Variants in EYS observed in about 807,000 individuals in gnomAD.
The protein encoded by EYS is EGF-like photoreceptor maintenance factor.
A neutral mutation model predicts 282.1 loss-of-function variants in EYS; 250 were observed. The observed-to-expected ratio is 0.89, with a 90% CI of 0.80 to 0.98. The LOEUF (loss-of-function observed/expected upper bound fraction) is 0.98. Ranked by LOEUF, EYS falls within the 50% of genes least tolerant of loss-of-function variation. The pLI is 0.00. For missense variants in EYS, 4,016 were observed against 3,709.0 expected (o/e 1.08, Z -2.15); for synonymous variants, 1,355 against 1,282.9 (o/e 1.06, Z -1.20).
chr6:65,052,663 G>A (rs1773306342), intron 13 of EYS, among the ~76,000 whole-genome samples: 1 of 151,488 alleles, frequency 6.6e-6, no homozygotes, highest in African/African-American at 2.4e-5. Context: ...AATTATATCA[G>A]GGAAAGTGAA....
intron 18 of EYS, among the ~76,000 whole-genome samples, chr6:64,893,962 C>A (rs1387218467): frequency 6.6e-6 from 1 of 151,982 alleles, no homozygotes; most frequent in East Asian, 1.9e-4. Flanking sequence ...CTCCATTCCT[C>A]TCTACCAGGA....
chr6:64,676,921 A>G (rs1199802793), intron 22 of EYS, among the ~76,000 whole-genome samples: 3 of 152,134 alleles, frequency 2.0e-5, no homozygotes, highest in Admixed American at 6.5e-5. Context: ...GGATTTCAAC[A>G]TATGAATCAA....
chr6:65,058,729 T>C (rs949461526), intron 12 of EYS, among the ~76,000 whole-genome samples: 1 of 150,942 alleles, frequency 6.6e-6, no homozygotes, highest in Admixed American at 6.7e-5. Flanking sequence ...TTGCTAAAGC[T>C]GACCTTTCTT....
At chr6:64,314,448 C>T (rs752260655) in intron 29 of EYS, among the ~76,000 whole-genome samples, 41 of 152,142 alleles carry the variant, frequency 2.7e-4, no homozygotes, top group South Asian at 4.2e-4. Context: ...GACTTTAACA[C>T]GCCACTGTCA....
intron 41 of EYS, among the ~76,000 whole-genome samples, chr6:63,746,249 C>T (rs1769207870): frequency 6.6e-6 from 1 of 152,148 alleles, no homozygotes; most frequent in Non-Finnish European, 1.5e-5. Flanking sequence ...ATATGTTGAA[C>T]CAACCTTGTA....
chr6:65,073,486 T>C (rs980241828), intron 12 of EYS, among the ~76,000 whole-genome samples: 1 of 151,818 alleles, frequency 6.6e-6, no homozygotes, highest in Non-Finnish European at 1.5e-5. Context: ...GTGTGCACTG[T>C]ACATCTATCT....
intron 26 of EYS, among the ~76,000 whole-genome samples, chr6:64,453,201 T>C (rs1256200333): frequency 6.6e-6 from 1 of 152,024 alleles, no homozygotes; most frequent in Non-Finnish European, 1.5e-5. Context: ...ACGAAGGATA[T>C]GAACAGACAC....
intron 13 of EYS, among the ~76,000 whole-genome samples, chr6:65,042,509 T>C (rs954453750): frequency 4.6e-5 from 7 of 151,676 alleles, no homozygotes; most frequent in Non-Finnish European, 1.5e-5. Flanking sequence ...TTTTAAATTT[T>C]TTTTTACTTG....
At chr6:65,350,621 C>A (rs1342184146) in intron 9 of EYS, among the ~76,000 whole-genome samples, 2 of 151,538 alleles carry the variant, frequency 1.3e-5, no homozygotes, top group Non-Finnish European at 3.0e-5. Flanking sequence ...TTTATCTTTT[C>A]TTAAGCATGA....
chr6:64,745,227 T>C (rs1357298893), intron 22 of EYS, among the ~76,000 whole-genome samples: 5 of 152,172 alleles, frequency 3.3e-5, no homozygotes, highest in Admixed American at 6.5e-5. Flanking sequence ...TTCTGAGATA[T>C]GTATAATAAA....
Position 64,145,514 on chromosome 6 carries a change from TTTC to T in EYS, c.6425-63515_6425-63513del, listed in dbSNP as rs200397601. On this transcript the variant is annotated intron_variant, in intron 31 of 42. Coordinates refer to ENST00000503581, the MANE Select transcript of EYS (RefSeq NM_001142800.2). ...TTAAAATCCTTTATTTGTCAAATTCTTTCTTTAGTTTCACACCCATATATGAAA... is the reference window on the plus strand; with the variant it reads ...TTAAAATCCTTTATTTGTCAAATTCTTTTAGTTTCACACCCATATATGAAA... 9.2e-5 allele frequency among the ~76,000 whole-genome samples: 14 copies of T among 152,332 alleles called. No homozygotes were observed. In the East Asian group the frequency reaches 2.7e-3, roughly 29 times the overall value.
Position 65,060,778 on chromosome 6 carries a change from A to ATG in EYS, c.2024-3053_2024-3052dup, listed in dbSNP as rs1359377925. On this transcript the variant is annotated intron_variant, in intron 12 of 42. Coordinates refer to ENST00000503581, the MANE Select transcript of EYS (RefSeq NM_001142800.2). ...TATGTGTATATACATGTGTATATATATGTGTATATATATATATATATATAC... is the reference window on the plus strand; with the variant it reads ...TATGTGTATATACATGTGTATATATATGTGTGTATATATATATATATATATAC... Among the ~76,000 whole-genome samples, 292 of 118,154 alleles carry ATG rather than the reference A, an allele frequency of 2.5e-3. 1 individual carries two copies. The highest frequency in any genetic ancestry group is 9.2e-3 in the African/African-American group (224 of 24,330). 77.5% of individuals were successfully genotyped at this position (118,154 alleles called of 152,430 possible).
intron 30 of EYS, among the ~76,000 whole-genome samples, chr6:64,243,466 C>T (rs1766903743): frequency 6.6e-6 from 1 of 152,164 alleles, no homozygotes; most frequent in African/African-American, 2.4e-5. Context: ...TCAACTTCAG[C>T]ACATAGCTCC....
At chr6:64,172,544 A>G (rs1237969718) in intron 31 of EYS, among the ~76,000 whole-genome samples, 2 of 152,186 alleles carry the variant, frequency 1.3e-5, no homozygotes, top group Non-Finnish European at 2.9e-5. Flanking sequence ...AAACATAACT[A>G]TCTTATGACC....
intron 36 of EYS, among the ~76,000 whole-genome samples, chr6:63,861,611 C>T (rs1405518931): frequency 6.6e-6 from 1 of 152,128 alleles, no homozygotes. Context: ...TTGCTATAGA[C>T]TGAGTGTTTA....
chr6:64,761,613 T>A (rs13205233), intron 22 of EYS, among the ~76,000 whole-genome samples: 3 of 151,934 alleles, frequency 2.0e-5, no homozygotes, highest in Admixed American at 2.0e-4. Flanking sequence ...CATGCCACCA[T>A]GCCCAGCTAA....
At chr6:63,839,556 C>T (rs1036543904) in intron 36 of EYS, among the ~76,000 whole-genome samples, 6 of 151,800 alleles carry the variant, frequency 4.0e-5, no homozygotes, top group Admixed American at 3.9e-4. Flanking sequence ...ACTATATGGC[C>T]CAGAGTGGTT....
rs76827581 is a variant in EYS, at chr6:64,803,969, G to A, written c.3443+9409C>T. ...GCCATGGCTGGGTGGCTGCAGCTGC[G>A]CCCGGGAGGGTAGGGCTCTCACCCA... On this transcript the variant is annotated intron_variant, in intron 22 of 42. Transcript: ENST00000503581. Among the ~76,000 whole-genome samples, 50 of 152,276 alleles carry A rather than the reference G, an allele frequency of 3.3e-4. No homozygotes were observed. The East Asian group carries it at 8.9e-3, about 27-fold the overall frequency.
At chr6:64,594,504 T>C (rs1454139285) in intron 24 of EYS, among the ~76,000 whole-genome samples, 2 of 151,982 alleles carry the variant, frequency 1.3e-5, no homozygotes, top group African/African-American at 4.8e-5. Flanking sequence ...TGGAATACAA[T>C]GCAGCCATAA....
Sources: gnomAD v4.1 joint callset for allele counts (sites outside exome capture counted in the v4.1 genomes callset) on GRCh38, gnomAD v4.1.1 for gene constraint, MANE v1.5 for transcripts, NCBI Gene and HGNC (gene_info 2026-07-23, HGNC 2026-07-21) for gene names.